The following PIK3CB variants were observed in gnomAD, a reference collection of about 807,000 sequenced individuals.
PIK3CB encodes the protein phosphatidylinositol-4,5-bisphosphate 3-kinase catalytic subunit beta.
PIK3CB carries 39 observed loss-of-function variants against 136.8 expected under a neutral mutation model. The observed-to-expected ratio is 0.29, with a 90% CI of 0.22 to 0.37. The LOEUF is 0.37. PIK3CB is among the 10% of genes least tolerant of loss of function. PIK3CB has a pLI of 1.00. For missense variants in PIK3CB, 868 were observed against 1,275.4 expected (o/e 0.68, Z 4.87); for synonymous variants, 428 against 436.6 (o/e 0.98, Z 0.25).
intron 21 of PIK3CB, among the ~76,000 whole-genome samples, chr3:138,659,735 G>A (rs182996109): frequency 6.1e-4 from 93 of 152,034 alleles, no homozygotes; most frequent in African/African-American, 2.0e-3. Flanking sequence ...CATAGTGCAG[G>A]TACTTAGTAA....
chr3:138,793,837 T>C (rs540873059), intron 2 of PIK3CB, among the ~76,000 whole-genome samples: 93 of 152,186 alleles, frequency 6.1e-4, no homozygotes, highest in African/African-American at 2.0e-3. Flanking sequence ...CTGAGCAACA[T>C]AGTGAGGCAC....
intron 19 of PIK3CB, among the ~76,000 whole-genome samples, chr3:138,679,645 G>A (rs549155526): frequency 4.0e-5 from 6 of 151,470 alleles, no homozygotes; most frequent in South Asian, 2.1e-4. Context: ...GTGCAGTAGC[G>A]TGATCTTGGC....
chr3:138,721,380 G>A (rs888071311), intron 8 of PIK3CB, among the ~76,000 whole-genome samples: 2 of 152,072 alleles, frequency 1.3e-5, no homozygotes, highest in African/African-American at 4.8e-5. Flanking sequence ...GGTCATGCCG[G>A]TCTCTAACTC....
At chr3:138,757,815 A>G (rs2045600416) in intron 3 of PIK3CB, among the ~76,000 whole-genome samples, 2 of 152,178 alleles carry the variant, frequency 1.3e-5, no homozygotes, top group South Asian at 2.1e-4. Context: ...TGGTCCCAAC[A>G]TTATATGGTG....
intron 4 of PIK3CB, among the ~76,000 whole-genome samples, chr3:138,751,798 C>T (rs1176006527): frequency 6.6e-6 from 1 of 151,756 alleles, no homozygotes; most frequent in Non-Finnish European, 1.5e-5. Context: ...TGGCAAAACC[C>T]CATCTCTACA....
Position 138,681,051 on chromosome 3 carries a change from TG to T in PIK3CB, c.2504+915del, listed in dbSNP as rs34536076. ...ACAATTTTCATGTTAGTTTTTTTTT[TG>T]TTTTTTTTTTTTGAGACAGAGTCTC... On this transcript the variant is annotated intron_variant, in intron 19 of 23. Transcript: ENST00000674063. Among the ~76,000 whole-genome samples, 152 of 145,988 alleles carry T rather than the reference TG, an allele frequency of 1.0e-3. 13 individuals carry two copies. Among genetic ancestry groups the T allele is most frequent in the East Asian group, 7.0e-3 (35 of 4,990 alleles).
In PIK3CB at chr3:138,697,233, G is replaced by A. The variant is rs751012311; in HGVS notation, c.1770+1674C>T. Among the ~76,000 whole-genome samples the A allele has an allele frequency of 8.5e-5, 13 of 152,172 alleles. 1 individual carries two copies. In the East Asian group the frequency reaches 2.3e-3, roughly 27 times the overall value. On this transcript the variant is annotated intron_variant, in intron 13 of 23. Coordinates refer to ENST00000674063, the MANE Select transcript of PIK3CB (RefSeq NM_006219.3). ...TCAACTAAAAAAATGCTTAGATCTT[G>A]TTTTCCATTACTGAAGGTTCATGGA... is the stretch of plus-strand genomic sequence containing the variant.
At chr3:138,745,994 C>A (rs1043153403) in intron 4 of PIK3CB, among the ~76,000 whole-genome samples, 6 of 152,096 alleles carry the variant, frequency 3.9e-5, no homozygotes, top group African/African-American at 1.4e-4. Flanking sequence ...CACCTATAAT[C>A]CCAACATTTT....
Position 138,698,869 on chromosome 3 carries a change from T to C in PIK3CB, c.1770+38A>G, listed in dbSNP as rs968535927. ...TTTATGTGAATCCAACCAAGTACCA[T>C]ACACCCAAAAAAAGTTATAGAAACG... On this transcript the variant is annotated intron_variant, in intron 13 of 23. Coordinates refer to ENST00000674063, the MANE Select transcript of PIK3CB (RefSeq NM_006219.3). The C allele has an allele frequency of 2.9e-6, 4 of 1,372,996 alleles. No homozygotes were observed. In the African/African-American group the frequency reaches 4.3e-5, roughly 15 times the overall value. 85.1% of individuals were successfully genotyped at this position (1,372,996 alleles called of 1,614,324 possible).
In PIK3CB at chr3:138,767,068, G is replaced by C. The variant is rs1167009084; in HGVS notation, c.-16-7709C>G. On this transcript the variant is annotated intron_variant, in intron 2 of 23. Transcript: ENST00000674063. ...ACATGCCTGCAATCCTAGCTACTTGGGGGGCTGAGGCAGGAGAATCGATTG... is the reference window on the plus strand; with the variant it reads ...ACATGCCTGCAATCCTAGCTACTTGCGGGGCTGAGGCAGGAGAATCGATTG... Among the ~76,000 whole-genome samples the C allele has an allele frequency of 5.3e-5, 8 of 152,122 alleles. No individual in the cohort carries two copies. In the East Asian group the frequency reaches 1.2e-3, roughly 22 times the overall value.
At chr3:138,735,124 T>C (rs1366219332) in intron 6 of PIK3CB, among the ~76,000 whole-genome samples, 2 of 151,718 alleles carry the variant, frequency 1.3e-5, no homozygotes, top group Non-Finnish European at 2.9e-5. Flanking sequence ...AATTTTTATA[T>C]TTTTTGTAGA....
intron 15 of PIK3CB, among the ~76,000 whole-genome samples, chr3:138,689,859 C>T (rs115463173): frequency 0.014 from 2,145 of 152,258 alleles, 46 homozygotes; most frequent in Middle Eastern, 0.048. Flanking sequence ...TGCTTTTGTA[C>T]GGGTAAGGCA....
intron 4 of PIK3CB, among the ~76,000 whole-genome samples, chr3:138,748,681 C>A (rs977328781): frequency 2.0e-5 from 3 of 151,960 alleles, no homozygotes; most frequent in African/African-American, 7.3e-5. Flanking sequence ...TTTAAGGGCA[C>A]CAGATATTTT....
chr3:138,706,550 CATATGA>C (rs1166940885), intron 11 of PIK3CB, among the ~76,000 whole-genome samples: 4 of 152,190 alleles, frequency 2.6e-5, no homozygotes, highest in Non-Finnish European at 5.9e-5. Flanking sequence ...TATTCAGTTA[CATATGA>C]ATATATTTAT....
At chr3:138,801,568 A>AAAAAAT (rs1319583312) in intron 1 of PIK3CB, among the ~76,000 whole-genome samples, 1 of 151,974 alleles carries the variant, frequency 6.6e-6, no homozygotes, top group East Asian at 1.9e-4. Flanking sequence ...CGTCTCTAAA[A>AAAAAAT]AAAAATAAAA....
intron 2 of PIK3CB, chr3:138,778,607 G>T: frequency 4.7e-6 from 1 of 211,072 alleles, no homozygotes; most frequent in Admixed American, 5.7e-5. Context: ...GGTGAAGCAG[G>T]CGTGGGAGGA....
At chr3:138,739,753 T>C (rs1043160818) in intron 5 of PIK3CB, among the ~76,000 whole-genome samples, 2 of 148,900 alleles carry the variant, frequency 1.3e-5, no homozygotes, top group South Asian at 4.3e-4. Flanking sequence ...ATATAAAAAA[T>C]TAGCCAGGCA....
intron 19 of PIK3CB, among the ~76,000 whole-genome samples, chr3:138,666,399 C>T (rs2043411839): frequency 6.6e-6 from 1 of 152,050 alleles, no homozygotes; most frequent in South Asian, 2.1e-4. Context: ...GCTTGTAACT[C>T]CTGGCTTCAA....
chr3:138,664,262 C>T (rs927788195), intron 20 of PIK3CB, among the ~76,000 whole-genome samples: 1 of 151,916 alleles, frequency 6.6e-6, no homozygotes, highest in African/African-American at 2.4e-5. Context: ...GATATTCAAA[C>T]GTCCTGGGAG....
Sources: gnomAD v4.1 joint callset for allele counts (sites outside exome capture counted in the v4.1 genomes callset) on GRCh38, gnomAD v4.1.1 for gene constraint, MANE v1.5 for transcripts, NCBI Gene and HGNC (gene_info 2026-07-23, HGNC 2026-07-21) for gene names.